The following ADCY2 variants were observed in gnomAD, a reference collection of about 807,000 sequenced individuals.
The protein encoded by ADCY2 is adenylate cyclase type 2.
A neutral mutation model predicts 125.2 loss-of-function variants in ADCY2; 31 were observed. The observed-to-expected ratio is 0.25, with a 90% CI of 0.19 to 0.33. The LOEUF (loss-of-function observed/expected upper bound fraction) is 0.33. Among genes scored for constraint, ADCY2 ranks in the 10% least tolerant of loss-of-function variants. The probability of loss-of-function intolerance (pLI) is 1.00; values close to 1 mark genes in which losing one functional copy is unlikely to be tolerated. For missense variants in ADCY2, 904 were observed against 1,418.2 expected, an observed-to-expected ratio of 0.64 and a Z score of 5.82; for synonymous variants, 512 against 548.4, an observed-to-expected ratio of 0.93 and a Z score of 0.93.
At chr5:7,645,364 G>A (rs974755792) in intron 4 of ADCY2, among the ~76,000 whole-genome samples, 9 of 152,126 alleles carry the variant, frequency 5.9e-5, no homozygotes, top group Admixed American at 1.3e-4. Context: ...AAGCGGAGCC[G>A]GCATTTGCAC....
intron 4 of ADCY2, among the ~76,000 whole-genome samples, chr5:7,684,768 G>T (rs892417208): frequency 1.0e-5 from 1 of 96,016 alleles, no homozygotes; most frequent in Non-Finnish European, 2.0e-5. Context: ...ATCTATGTCT[G>T]TTGTGCCTTT....
chr5:7,399,186 C>A (rs972178951), intron 1 of ADCY2, among the ~76,000 whole-genome samples: 2 of 152,006 alleles, frequency 1.3e-5, no homozygotes, highest in Non-Finnish European at 2.9e-5. Context: ...TCCTTTTTTT[C>A]CCCCTGAATC....
Position 7,827,131 on chromosome 5 carries a change from C to A in ADCY2, c.*260C>A. The A allele has an allele frequency of 2.5e-6, 1 of 407,910 alleles. No individual in the cohort carries two copies. Among genetic ancestry groups the A allele is most frequent in the South Asian group, 5.1e-5 (1 of 19,446 alleles). 25.3% of individuals were successfully genotyped at this position (407,910 alleles called of 1,614,324 possible). A position where few individuals can be genotyped will look rare whatever the true frequency, so the allele number is the denominator to read the frequency against. ...AGAAGAAAAGCACTGGGAGAACTAA[C>A]AGAGGAGAAAGGTGAAACACACACA... On this transcript the variant is annotated 3_prime_UTR_variant, in exon 25 of 25. Coordinates refer to ENST00000338316, the MANE Select transcript of ADCY2 (RefSeq NM_020546.3).
intron 3 of ADCY2, among the ~76,000 whole-genome samples, chr5:7,544,380 T>C (rs1460862430): frequency 1.3e-5 from 2 of 152,226 alleles, no homozygotes; most frequent in African/African-American, 2.4e-5. Context: ...GGAGACTTTA[T>C]GAGAGAATCT....
At chr5:7,687,960 A>G (rs1740571980) in intron 4 of ADCY2, among the ~76,000 whole-genome samples, 1 of 152,184 alleles carries the variant, frequency 6.6e-6, no homozygotes, top group South Asian at 2.1e-4. Context: ...CCTTTGACTC[A>G]TCACCCATCA....
chr5:7,583,875 C>A (rs904438727), intron 3 of ADCY2, among the ~76,000 whole-genome samples: 3 of 152,086 alleles, frequency 2.0e-5, no homozygotes, highest in Non-Finnish European at 2.9e-5. Flanking sequence ...AGTATTCATA[C>A]ACTGGAATAC....
chr5:7,714,966 G>A (rs1741552124), intron 11 of ADCY2, among the ~76,000 whole-genome samples: 1 of 152,206 alleles, frequency 6.6e-6, no homozygotes, highest in African/African-American at 2.4e-5. Context: ...TTGGACACAG[G>A]GGTTGGGGTC....
At chr5:7,815,120 T>C (rs574083772) in intron 22 of ADCY2, among the ~76,000 whole-genome samples, 12 of 152,200 alleles carry the variant, frequency 7.9e-5, no homozygotes, top group Non-Finnish European at 1.8e-4. Flanking sequence ...CGCCAAAGCC[T>C]AACCAGTCCG....
chr5:7,501,425 A>C (rs988388846), intron 2 of ADCY2, among the ~76,000 whole-genome samples: 5 of 152,208 alleles, frequency 3.3e-5, no homozygotes, highest in Non-Finnish European at 5.9e-5. Context: ...ATGCTTTTCA[A>C]TCAGAATCAT....
At chr5:7,704,808 G>A (rs1381547013) in intron 7 of ADCY2, among the ~76,000 whole-genome samples, 1 of 151,738 alleles carries the variant, frequency 6.6e-6, no homozygotes, top group East Asian at 1.9e-4. Context: ...AACCCGGGCG[G>A]CGGAGCTTGC....
intron 4 of ADCY2, among the ~76,000 whole-genome samples, chr5:7,653,657 A>G (rs1739181995): frequency 6.6e-6 from 1 of 152,126 alleles, no homozygotes; most frequent in African/African-American, 2.4e-5. Context: ...CACAGAGCTT[A>G]GAAAATATTA....
At chr5:7,817,034 G>A (rs1745134812) in intron 23 of ADCY2, 54 bp downstream of exon 23, 2 of 1,373,426 alleles carry the variant, frequency 1.5e-6, no homozygotes, top group Admixed American at 3.5e-5. Flanking sequence ...TGTGGAATAA[G>A]GAGTAAGTCA....
chr5:7,477,608 C>G (rs1742572109), intron 2 of ADCY2, among the ~76,000 whole-genome samples: 1 of 152,142 alleles, frequency 6.6e-6, no homozygotes, highest in Admixed American at 6.5e-5. Flanking sequence ...TCAGGCCATT[C>G]CTAAAGGCCC....
At chr5:7,676,918 T>C (rs891215884) in intron 4 of ADCY2, among the ~76,000 whole-genome samples, 3 of 152,160 alleles carry the variant, frequency 2.0e-5, no homozygotes, top group Non-Finnish European at 2.9e-5. Context: ...AAGTTGGAGT[T>C]TCTGTATTGC....
intron 3 of ADCY2, among the ~76,000 whole-genome samples, chr5:7,562,628 CACAG>C (rs1386578048): frequency 5.3e-5 from 8 of 152,196 alleles, no homozygotes; most frequent in Middle Eastern, 3.4e-3. Context: ...CACACGTGTA[CACAG>C]ACAGACAGAC....
intron 24 of ADCY2, among the ~76,000 whole-genome samples, chr5:7,824,806 T>C (rs76121485): frequency 0.016 from 2,388 of 152,338 alleles, 47 homozygotes; most frequent in Middle Eastern, 0.024. Flanking sequence ...ACCCTGGTTC[T>C]GGGCGTCCCT....
At chr5:7,586,377 C>T (rs1026818273) in intron 3 of ADCY2, among the ~76,000 whole-genome samples, 2 of 152,192 alleles carry the variant, frequency 1.3e-5, no homozygotes, top group African/African-American at 4.8e-5. Flanking sequence ...GTCCCAACCA[C>T]ATTAACAGGC....
intron 4 of ADCY2, among the ~76,000 whole-genome samples, chr5:7,653,538 G>T (rs1261455844): frequency 6.6e-6 from 1 of 151,976 alleles, no homozygotes; most frequent in Non-Finnish European, 1.5e-5. Context: ...AACCCGGGAG[G>T]TGGAGCTTGT....
intron 4 of ADCY2, among the ~76,000 whole-genome samples, chr5:7,653,245 G>T (rs567337686): frequency 5.9e-5 from 9 of 152,328 alleles, no homozygotes; most frequent in African/African-American, 2.2e-4. Flanking sequence ...ACCCTGAGCA[G>T]GCAGTGTGGA....
Sources: gnomAD v4.1 joint callset for allele counts (sites outside exome capture counted in the v4.1 genomes callset) on GRCh38, gnomAD v4.1.1 for gene constraint, MANE v1.5 for transcripts, NCBI Gene and HGNC (gene_info 2026-07-23, HGNC 2026-07-21) for gene names.